The following ITCH variants were observed in gnomAD, a reference collection of about 807,000 sequenced individuals.
The protein encoded by ITCH is itchy E3 ubiquitin protein ligase.
A neutral mutation model predicts 126.8 loss-of-function variants in ITCH; 28 were observed. The ratio of observed to expected loss-of-function variants is 0.22; its 90% confidence interval spans 0.16 to 0.30. The LOEUF is 0.30. Ranked by LOEUF, ITCH falls within the 10% of genes least tolerant of loss-of-function variation. ITCH has a pLI of 1.00. For missense variants in ITCH, 631 were observed against 1,032.4 expected (o/e 0.61, Z 5.33); for synonymous variants, 342 against 340.0 (o/e 1.01, Z -0.06).
At chr20:34,364,620 C>A (rs1413895226) in intron 1 of ITCH, among the ~76,000 whole-genome samples, 3 of 150,822 alleles carry the variant, frequency 2.0e-5, no homozygotes, top group Non-Finnish European at 4.4e-5. Flanking sequence ...GTGGCTCACG[C>A]CTGTAATCCT....
chr20:34,449,827 C>T (rs1984972825), intron 12 of ITCH, among the ~76,000 whole-genome samples: 1 of 152,068 alleles, frequency 6.6e-6, no homozygotes, highest in Admixed American at 6.6e-5. Flanking sequence ...AAGTCAGTCT[C>T]AAAAGATCAC....
chr20:34,460,352 CT>C lies in ITCH; in HGVS notation c.1296-1720del, dbSNP rs749083015. Among the ~76,000 whole-genome samples the C allele has an allele frequency of 1.5e-3, 164 of 108,974 alleles. 1 individual carries two copies. Among genetic ancestry groups the C allele is most frequent in the South Asian group, 4.2e-3 (14 of 3,312 alleles). 71.5% of individuals were successfully genotyped at this position (108,974 alleles called of 152,430 possible). A position where few individuals can be genotyped will look rare whatever the true frequency, so the allele number is the denominator to read the frequency against. ...TATAGGCATGGGCCACCACACCCAG[CT>C]TTTTTTTTTTTTTTTTTTTTGGGTA... On this transcript the variant is annotated intron_variant, in intron 13 of 24. Transcript: ENST00000374864.
rs117016628 is a variant in ITCH at position 34,410,657 on chromosome 20, C to T, written c.213-1858C>T. Among the ~76,000 whole-genome samples, 635 of 152,208 alleles carry T rather than the reference C, an allele frequency of 4.2e-3. 5 individuals carry two copies. Among genetic ancestry groups the T allele is most frequent in the Non-Finnish European group, 7.5e-3 (508 of 68,012 alleles). ...AGCCCAGGAGGAGTTCGAGATTAAC[C>T]AGGGCAAAGTAGCGAGTTCCCATCT... On this transcript the variant is annotated intron_variant, in intron 4 of 24. Coordinates refer to ENST00000374864, the MANE Select transcript of ITCH (RefSeq NM_031483.7).
At chr20:34,506,108 A>G (rs1178224868) in intron 24 of ITCH, among the ~76,000 whole-genome samples, 2 of 152,062 alleles carry the variant, frequency 1.3e-5, no homozygotes, top group African/African-American at 4.8e-5. Flanking sequence ...TCTGTCACCC[A>G]GGCTGGAGTG....
rs1186821960 is a variant in ITCH, at chr20:34,385,222, G to GTTTT, written c.-21-8552_-21-8549dup. Among the ~76,000 whole-genome samples, 22 of 85,138 alleles carry GTTTT rather than the reference G, an allele frequency of 2.6e-4. 1 individual carries two copies. The highest frequency in any genetic ancestry group is 1.3e-3 in the South Asian group (3 of 2,308). The allele number at this position is 85,138 out of a possible 152,430, so 55.9% of individuals were successfully genotyped here. On this transcript the variant is annotated intron_variant, in intron 2 of 24. Coordinates refer to ENST00000374864, the MANE Select transcript of ITCH (RefSeq NM_031483.7). ...GTGTGTGTGTGTGTGTGTGTGTGTG[G>GTTTT]TTTTTTTTTTTTTTTTTTTTAGCAG... is the stretch of plus-strand genomic sequence containing the variant.
intron 1 of ITCH, among the ~76,000 whole-genome samples, chr20:34,367,766 T>A (rs2037471816): frequency 6.6e-6 from 1 of 152,152 alleles, no homozygotes; most frequent in African/African-American, 2.4e-5. Flanking sequence ...TAGTTAAGAG[T>A]AAGAACTAGA....
chr20:34,428,881 T>G (rs1601877888), intron 7 of ITCH, among the ~76,000 whole-genome samples: 1 of 152,212 alleles, frequency 6.6e-6, no homozygotes, highest in East Asian at 1.9e-4. Context: ...TTTGTAAGAT[T>G]GTGGAATAGG....
At chr20:34,507,263 GT>G (rs776161631) in intron 24 of ITCH, among the ~76,000 whole-genome samples, 896 of 39,178 alleles carry the variant, frequency 0.023, 1 homozygote, top group Non-Finnish European at 0.031. Flanking sequence ...GTTTTCTTCT[GT>G]TTTTTTTTTT....
At chr20:34,403,764 G>C (rs180866737) in intron 3 of ITCH, among the ~76,000 whole-genome samples, 64 of 152,196 alleles carry the variant, frequency 4.2e-4, no homozygotes, top group South Asian at 2.9e-3. Context: ...AAGAGAAGGG[G>C]GATGTTTATC....
intron 4 of ITCH, 88 bp downstream of exon 4, chr20:34,408,880 T>TTTG (rs1420274608): frequency 1.5e-6 from 2 of 1,334,616 alleles, no homozygotes; most frequent in Non-Finnish European, 2.1e-6. Flanking sequence ...ACTTTGGTTT[T>TTTG]TTGTTGTTGT....
chr20:34,466,191 C>A, intron 14 of ITCH: 1 of 278,218 alleles, frequency 3.6e-6, no homozygotes, highest in Non-Finnish European at 7.2e-6. Flanking sequence ...TTTTTTCCCC[C>A]CCTCATTCTG....
chr20:34,467,874 G>T (rs914257163), intron 14 of ITCH, among the ~76,000 whole-genome samples: 4 of 151,606 alleles, frequency 2.6e-5, no homozygotes, highest in Admixed American at 1.3e-4. Flanking sequence ...TAGTAGAGAT[G>T]AGGTTTCAGG....
chr20:34,383,413 C>T (rs2038143986), intron 2 of ITCH, among the ~76,000 whole-genome samples: 1 of 141,020 alleles, frequency 7.1e-6, no homozygotes, highest in African/African-American at 2.7e-5. Context: ...GTTGCTCAGG[C>T]TGGAGTGCAA....
At chr20:34,461,053 GA>G (rs1244042921) in intron 13 of ITCH, among the ~76,000 whole-genome samples, 1 of 152,062 alleles carries the variant, frequency 6.6e-6, no homozygotes, top group Non-Finnish European at 1.5e-5. Context: ...TGCCTTAGTA[GA>G]AAAACAGTAG....
chr20:34,408,939 CCTT>C (rs1978562723), intron 4 of ITCH, 147 bp downstream of exon 4: 5 of 801,044 alleles, frequency 6.2e-6, no homozygotes, highest in Non-Finnish European at 9.7e-6. Flanking sequence ...TCCTAGGACT[CCTT>C]CTGGTTTGCT....
At chr20:34,462,063 T>C in intron 13 of ITCH, 30 bp from the exon 14 acceptor site, 1 of 1,609,638 alleles carries the variant, frequency 6.2e-7, no homozygotes, top group Non-Finnish European at 8.5e-7. Context: ...CTTTAATATT[T>C]TTGTTTATGT....
chr20:34,364,724 CAAAA>C (rs1171765663), intron 1 of ITCH, among the ~76,000 whole-genome samples: 1 of 45,576 alleles, frequency 2.2e-5, no homozygotes, highest in African/African-American at 1.2e-4. Flanking sequence ...ACTAAAAATA[CAAAA>C]AAAAAAAAAA....
chr20:34,507,263 GTTTTTTTTTT>G (rs776161631), intron 24 of ITCH, among the ~76,000 whole-genome samples: 65 of 39,180 alleles, frequency 1.7e-3, no homozygotes, highest in African/African-American at 5.6e-3. Flanking sequence ...GTTTTCTTCT[GTTTTTTTTTT>G]TTTTTTTTTT....
intron 3 of ITCH, among the ~76,000 whole-genome samples, chr20:34,394,307 G>GAT (rs1003515736): frequency 4.6e-4 from 69 of 150,942 alleles, no homozygotes; most frequent in African/African-American, 1.7e-3. Flanking sequence ...AATGAATGAA[G>GAT]ATATATAGAT....
Sources: gnomAD v4.1 joint callset for allele counts (sites outside exome capture counted in the v4.1 genomes callset) on GRCh38, gnomAD v4.1.1 for gene constraint, MANE v1.5 for transcripts, NCBI Gene and HGNC (gene_info 2026-07-23, HGNC 2026-07-21) for gene names.